Variants in KCNK9 observed in about 807,000 individuals in gnomAD.
The protein encoded by KCNK9 is potassium channel subfamily K member 9.
KCNK9 carries 1 observed loss-of-function variant against 10.8 expected under a neutral mutation model. That is an observed-to-expected ratio of 0.09 (90% CI 0.03 to 0.44). The LOEUF is 0.44. Among genes scored for constraint, KCNK9 ranks in the 20% least tolerant of loss-of-function variants. KCNK9 has a pLI of 0.97. For missense variants in KCNK9, 303 were observed against 515.0 expected (o/e 0.59, Z 3.98); for synonymous variants, 231 against 222.7 (o/e 1.04, Z -0.33).
intron 1 of KCNK9, among the ~76,000 whole-genome samples, chr8:139,631,101 C>G (rs1466940183): frequency 1.3e-5 from 2 of 152,216 alleles, no homozygotes; most frequent in Non-Finnish European, 2.9e-5. Context: ...GCGGGGTCGG[C>G]CGCCCACGTT....
intron 1 of KCNK9, among the ~76,000 whole-genome samples, chr8:139,636,336 C>G (rs1220864491): frequency 6.6e-6 from 1 of 152,248 alleles, no homozygotes; most frequent in African/African-American, 2.4e-5. Context: ...AGCACCTCAG[C>G]TGTTCTCACG....
At chr8:139,699,344 T>C (rs1563756645) in intron 1 of KCNK9, among the ~76,000 whole-genome samples, 1 of 152,042 alleles carries the variant, frequency 6.6e-6, no homozygotes, top group East Asian at 1.9e-4. Context: ...CAAATCCAAA[T>C]AAAACTCCTC....
At chr8:139,696,567 T>C (rs1817056749) in intron 1 of KCNK9, among the ~76,000 whole-genome samples, 1 of 151,248 alleles carries the variant, frequency 6.6e-6, no homozygotes, top group Non-Finnish European at 1.5e-5. Context: ...ACCCAGCACA[T>C]GGAAAGGCAG....
chr8:139,635,568 A>C (rs1815312294), intron 1 of KCNK9, among the ~76,000 whole-genome samples: 1 of 152,234 alleles, frequency 6.6e-6, no homozygotes, highest in Non-Finnish European at 1.5e-5. Context: ...ACAAAACCAG[A>C]AAAGAAATGG....
At chr8:139,668,208 G>C (rs753647831) in intron 1 of KCNK9, among the ~76,000 whole-genome samples, 7 of 152,046 alleles carry the variant, frequency 4.6e-5, no homozygotes, top group Non-Finnish European at 7.4e-5. Flanking sequence ...AGAGAGGAGG[G>C]AGAGGAGCAA....
intron 1 of KCNK9, among the ~76,000 whole-genome samples, chr8:139,675,949 T>C (rs1254211477): frequency 1.3e-5 from 2 of 152,116 alleles, no homozygotes; most frequent in Non-Finnish European, 2.9e-5. Flanking sequence ...GCCAATGGAA[T>C]GTGGGCAGAA....
intron 1 of KCNK9, among the ~76,000 whole-genome samples, chr8:139,644,886 CT>C (rs1412156042): frequency 1.3e-5 from 2 of 152,160 alleles, no homozygotes; most frequent in East Asian, 1.9e-4. Context: ...TGTCCACCCC[CT>C]GTTCCAGAGG....
intron 1 of KCNK9, among the ~76,000 whole-genome samples, chr8:139,631,420 T>A (rs1815167975): frequency 1.3e-5 from 2 of 152,186 alleles, no homozygotes; most frequent in South Asian, 4.1e-4. Context: ...CCCCTAGCCC[T>A]GCGCAAAGCA....
chr8:139,632,783 G>A (rs973382433), intron 1 of KCNK9, among the ~76,000 whole-genome samples: 7 of 152,162 alleles, frequency 4.6e-5, no homozygotes, highest in South Asian at 2.1e-4. Flanking sequence ...AGCCCCTGCC[G>A]AGAAACAGTG....
chr8:139,659,746 C>G (rs527912645), intron 1 of KCNK9, among the ~76,000 whole-genome samples: 1 of 147,134 alleles, frequency 6.8e-6, no homozygotes, highest in African/African-American at 2.5e-5. Flanking sequence ...AGGATGGTCT[C>G]GATCTGACTT....
intron 1 of KCNK9, among the ~76,000 whole-genome samples, chr8:139,627,998 G>A (rs1057006147): frequency 4.6e-5 from 7 of 152,252 alleles, no homozygotes; most frequent in African/African-American, 1.7e-4. Context: ...TTAAAATGTG[G>A]TATCTAATTA....
intron 1 of KCNK9, among the ~76,000 whole-genome samples, chr8:139,622,414 C>T (rs969605274): frequency 8.5e-5 from 13 of 152,302 alleles, no homozygotes; most frequent in African/African-American, 3.1e-4. Context: ...CATCAAGGGT[C>T]CCTTTGCCCT....
At chr8:139,606,690 T>C (rs1814229989) in intron 2 of KCNK9, among the ~76,000 whole-genome samples, 1 of 152,230 alleles carries the variant, frequency 6.6e-6, no homozygotes, top group African/African-American at 2.4e-5. Context: ...CTGCTGGGAA[T>C]GGACTGGAAG....
At chr8:139,630,161 T>C (rs1425208389) in intron 1 of KCNK9, among the ~76,000 whole-genome samples, 2 of 152,180 alleles carry the variant, frequency 1.3e-5, no homozygotes, top group Admixed American at 1.3e-4. Context: ...AACATTGCAC[T>C]AAATTGTACA....
intron 2 of KCNK9, among the ~76,000 whole-genome samples, chr8:139,607,508 T>G (rs1387969108): frequency 1.3e-5 from 2 of 152,190 alleles, no homozygotes; most frequent in Admixed American, 1.3e-4. Context: ...CTGAGAGAAG[T>G]GGAATTTGGT....
intron 1 of KCNK9, among the ~76,000 whole-genome samples, chr8:139,660,573 A>T (rs959800978): frequency 2.0e-5 from 3 of 151,898 alleles, no homozygotes; most frequent in Non-Finnish European, 4.4e-5. Context: ...GTGAGCCAAG[A>T]TTGCACCACT....
Position 139,617,771 on chromosome 8 carries a change from A to AGC in KCNK9, c.*485_*486dup, listed in dbSNP as rs1306084951. ...TTGTCACGACACACGTGCACACAGA[A>AGC]GCACACACACAACACACACACAGTC... is the stretch of plus-strand genomic sequence containing the variant. On this transcript the variant is annotated 3_prime_UTR_variant, in exon 2 of 2. Transcript: ENST00000520439. 6.6e-6 allele frequency among the ~76,000 whole-genome samples: 1 copy of AGC among 152,200 alleles called. No homozygotes were observed. The highest frequency in any genetic ancestry group is 1.5e-5 in the Non-Finnish European group (1 of 68,044).
At chr8:139,668,804 A>T (rs1017919665) in intron 1 of KCNK9, among the ~76,000 whole-genome samples, 59 of 152,154 alleles carry the variant, frequency 3.9e-4, no homozygotes, top group African/African-American at 1.3e-3. Context: ...TCTCGTGGTG[A>T]TCTTGAACTG....
chr8:139,673,195 TG>T (rs1816475335), intron 1 of KCNK9, among the ~76,000 whole-genome samples: 1 of 149,002 alleles, frequency 6.7e-6, no homozygotes, highest in Non-Finnish European at 1.5e-5. Flanking sequence ...GGCATAGGCC[TG>T]GGGGGAATGG....
Sources: allele counts gnomAD v4.1 joint callset (sites outside exome capture counted in the v4.1 genomes callset), GRCh38; gene constraint gnomAD v4.1.1; transcripts MANE v1.5; gene names NCBI Gene and HGNC (gene_info 2026-07-23, HGNC 2026-07-21).